Variants in ESRRG observed in about 807,000 individuals in gnomAD.
ESRRG encodes estrogen-related receptor gamma.
Under a neutral mutation model 44.0 loss-of-function variants are expected in ESRRG, and 13 were observed. That is an observed-to-expected ratio of 0.30 (90% CI 0.19 to 0.47). ESRRG has a LOEUF of 0.47. ESRRG is among the 20% of genes least tolerant of loss of function. The pLI, the probability that ESRRG is intolerant of heterozygous loss-of-function variation, is 1.00. For synonymous variants in ESRRG, 215 were observed against 214.6 expected (o/e 1.00, Z -0.02); for missense variants, 395 against 580.6 (o/e 0.68, Z 3.29).
chr1:216,512,862 C>G (rs1198765229), intron 6 of ESRRG, among the ~76,000 whole-genome samples: 4 of 152,078 alleles, frequency 2.6e-5, no homozygotes, highest in Non-Finnish European at 5.9e-5. Context: ...TCCTTGGAAG[C>G]AAAGGAAGAA....
At chr1:216,656,474 G>A (rs568919047) in intron 2 of ESRRG, among the ~76,000 whole-genome samples, 3 of 152,294 alleles carry the variant, frequency 2.0e-5, no homozygotes, top group African/African-American at 4.8e-5. Context: ...TGTGCAATTA[G>A]TTTGCAGGCA....
At chr1:216,950,873 G>C (rs1385613530) in intron 1 of ESRRG, among the ~76,000 whole-genome samples, 1 of 152,078 alleles carries the variant, frequency 6.6e-6, no homozygotes, top group Admixed American at 6.6e-5. Context: ...TCATAATATA[G>C]AACTTGCATG....
At chr1:216,946,925 C>G (rs780801943) in intron 1 of ESRRG, among the ~76,000 whole-genome samples, 1 of 152,058 alleles carries the variant, frequency 6.6e-6, no homozygotes, top group Non-Finnish European at 1.5e-5. Context: ...GTCTCGAACT[C>G]CTGACCTCAA....
At chr1:216,916,212 A>G (rs2061145996) in intron 2 of ESRRG, among the ~76,000 whole-genome samples, 4 of 152,204 alleles carry the variant, frequency 2.6e-5, no homozygotes, top group South Asian at 4.1e-4. Flanking sequence ...ACTTGCCAGA[A>G]AATTATCATT....
chr1:216,640,336 C>T (rs1558968713), intron 3 of ESRRG, among the ~76,000 whole-genome samples: 1 of 152,114 alleles, frequency 6.6e-6, no homozygotes, highest in African/African-American at 2.4e-5. Flanking sequence ...GGGGAAGCCG[C>T]TGACCTACTC....
At chr1:216,871,747 T>A (rs1218121669) in intron 2 of ESRRG, among the ~76,000 whole-genome samples, 1 of 152,084 alleles carries the variant, frequency 6.6e-6, no homozygotes, top group Non-Finnish European at 1.5e-5. Flanking sequence ...CCTTTCCTCT[T>A]TATGTCGTAG....
chr1:217,134,879 GCACCTTTGCTCTCA>G (rs1315872309), intron 1 of ESRRG, among the ~76,000 whole-genome samples: 1 of 152,254 alleles, frequency 6.6e-6, no homozygotes, highest in African/African-American at 2.4e-5. Flanking sequence ...CGATCCGCTT[GCACCTTTGCTCTCA>G]CAGCAAGCGA....
chr1:217,002,681 C>G (rs147115155), intron 1 of ESRRG, among the ~76,000 whole-genome samples: 31 of 152,166 alleles, frequency 2.0e-4, no homozygotes, highest in Non-Finnish European at 3.5e-4. Flanking sequence ...TAGCTTTTAC[C>G]TTGTTCTCTT....
At chr1:217,117,426 C>A (rs963109031) in intron 1 of ESRRG, among the ~76,000 whole-genome samples, 7 of 151,704 alleles carry the variant, frequency 4.6e-5, no homozygotes, top group Admixed American at 2.0e-4. Flanking sequence ...TCTACAAAAA[C>A]CAAAAAAACC....
intron 2 of ESRRG, among the ~76,000 whole-genome samples, chr1:216,660,685 G>T (rs947606311): frequency 6.6e-6 from 1 of 152,212 alleles, no homozygotes; most frequent in Non-Finnish European, 1.5e-5. Context: ...CCTGACATAG[G>T]AGCCTGAGAG....
At chr1:217,010,473 G>A (rs559577032) in intron 1 of ESRRG, among the ~76,000 whole-genome samples, 1 of 152,278 alleles carries the variant, frequency 6.6e-6, no homozygotes, top group East Asian at 1.9e-4. Flanking sequence ...CAACTGATTT[G>A]TAAAATGATC....
intron 1 of ESRRG, among the ~76,000 whole-genome samples, chr1:216,683,036 G>A (rs1001350788): frequency 6.6e-6 from 1 of 152,158 alleles, no homozygotes; most frequent in Non-Finnish European, 1.5e-5. Context: ...GGTGCAACGT[G>A]TGATTTGAGA....
chr1:217,089,944 G>A (rs562286564), upstream of ESRRG, among the ~76,000 whole-genome samples: 11 of 152,344 alleles, frequency 7.2e-5, no homozygotes, highest in Admixed American at 3.3e-4. Flanking sequence ...AGAAGAGAGA[G>A]GCTGCCAGGT....
chr1:217,106,390 ATG>A (rs199982578), intron 1 of ESRRG, among the ~76,000 whole-genome samples: 14,752 of 108,502 alleles, frequency 0.14, 830 homozygotes, highest in East Asian at 0.29. Context: ...ACACTCACAT[ATG>A]CACACACACA....
chr1:216,573,011 G>T (rs1451938612), intron 3 of ESRRG, among the ~76,000 whole-genome samples: 1 of 151,816 alleles, frequency 6.6e-6, no homozygotes, highest in East Asian at 1.9e-4. Flanking sequence ...TACCAAATAA[G>T]ATTATTTTTA....
At chr1:216,767,156 A>G (rs2093123194) in intron 2 of ESRRG, among the ~76,000 whole-genome samples, 1 of 152,122 alleles carries the variant, frequency 6.6e-6, no homozygotes, top group Admixed American at 6.6e-5. Flanking sequence ...TATTTGTCTC[A>G]TCATGCTGAC....
intron 1 of ESRRG, among the ~76,000 whole-genome samples, chr1:216,993,936 T>C (rs2076047479): frequency 6.6e-6 from 1 of 152,242 alleles, no homozygotes; most frequent in Non-Finnish European, 1.5e-5. Context: ...TTTTCTCTAA[T>C]ACATTTTTAT....
chr1:216,882,148 G>T (rs2096457866), intron 2 of ESRRG, among the ~76,000 whole-genome samples: 1 of 152,134 alleles, frequency 6.6e-6, no homozygotes, highest in South Asian at 2.1e-4. Flanking sequence ...AGATGATGTA[G>T]TTGAGTTCAG....
At chr1:217,074,577 C>A (rs1013133303) in intron 1 of ESRRG, among the ~76,000 whole-genome samples, 3 of 151,764 alleles carry the variant, frequency 2.0e-5, no homozygotes, top group Non-Finnish European at 4.4e-5. Flanking sequence ...GTGGCTCATG[C>A]CTGTAATCCT....
Sources: allele counts gnomAD v4.1 joint callset (sites outside exome capture counted in the v4.1 genomes callset), GRCh38; gene constraint gnomAD v4.1.1; transcripts MANE v1.5; gene names NCBI Gene and HGNC (gene_info 2026-07-23, HGNC 2026-07-21).